The following MYO7A variants were observed in gnomAD, a reference collection of about 807,000 sequenced individuals.
MYO7A encodes the protein unconventional myosin-VIIa.
Under a neutral mutation model 263.8 loss-of-function variants are expected in MYO7A, and 210 were observed. That is an observed-to-expected ratio of 0.80 (90% confidence interval 0.71 to 0.89). The LOEUF (loss-of-function observed/expected upper bound fraction) is 0.89, where lower values mean the gene tolerates loss of function less well. Among genes scored for constraint, MYO7A ranks in the 40% least tolerant of loss-of-function variants. MYO7A has a pLI of 0.00. For missense variants in MYO7A, 2,820 were observed against 2,968.3 expected (o/e 0.95, Z 1.16); for synonymous variants, 1,239 against 1,197.3 (o/e 1.03, Z -0.72).
intron 4 of MYO7A, among the ~76,000 whole-genome samples, chr11:77,154,475 C>T (rs947794601): frequency 2.0e-5 from 3 of 152,338 alleles, no homozygotes; most frequent in South Asian, 2.1e-4. Context: ...CTGTTCCCCA[C>T]TGACCAGCTT....
At chr11:77,209,050 G>C in intron 44 of MYO7A, 1 of 531,514 alleles carries the variant, frequency 1.9e-6, no homozygotes, top group Admixed American at 3.2e-5. Flanking sequence ...ACCTGTTCAG[G>C]CCCCTCCTTC....
At chr11:77,171,992 G>C (rs868979914) in intron 15 of MYO7A, among the ~76,000 whole-genome samples, 1 of 152,218 alleles carries the variant, frequency 6.6e-6, no homozygotes, top group Non-Finnish European at 1.5e-5. Flanking sequence ...AGTGCGGGGG[G>C]TTAGGAGGAG....
chr11:77,182,466 G>C lies in MYO7A; in HGVS notation c.3151G>C (p.Asp1051His), dbSNP rs1231006188. The change falls in exon 25 of 49, where the codon GAC becomes CAC. Residue 1051 changes from aspartate to histidine, a missense_variant. By Grantham distance (81) the Asp-to-His change is moderately conservative. Coordinates refer to ENST00000409709, the MANE Select transcript of MYO7A (RefSeq NM_000260.4). ...GATCACCATCCTCCGCTTCATGGGG[G>C]ACCTCCCTGAGCCCAAGTACCACAC... ...VWITILRFMG[D>H]LPEPKYHTAM... The C allele has an allele frequency of 1.1e-5, 18 of 1,613,392 alleles. No individual in the cohort carries two copies. The East Asian group carries it at 3.8e-4, about 34-fold the overall frequency.
chr11:77,197,002 CCCAGATTCA>C (rs1435027615), intron 32 of MYO7A, among the ~76,000 whole-genome samples: 2 of 152,220 alleles, frequency 1.3e-5, no homozygotes, highest in Middle Eastern at 3.2e-3. Flanking sequence ...CTTTCTAACT[CCCAGATTCA>C]CCAGATCAGT....
At chr11:77,160,662 C>T (rs1314389670) in intron 11 of MYO7A, among the ~76,000 whole-genome samples, 7 of 152,124 alleles carry the variant, frequency 4.6e-5, no homozygotes, top group African/African-American at 1.7e-4. Context: ...GGTTCGGGGA[C>T]CTCAGAGATA....
chr11:77,175,290 G>A, intron 17 of MYO7A, 82 bp from the exon 18 acceptor site: 1 of 1,297,526 alleles, frequency 7.7e-7, no homozygotes, highest in South Asian at 1.3e-5. Flanking sequence ...GAAGAGCCCT[G>A]CCTCTCAGCC....
In MYO7A at chr11:77,195,890, GTGTC is replaced by G. The variant is rs1370601089; in HGVS notation, c.4323+1367_4323+1370del. On this transcript the variant is annotated intron_variant, in intron 32 of 48. Coordinates refer to ENST00000409709, the MANE Select transcript of MYO7A (RefSeq NM_000260.4). ...TGGAGCCTGGAGCTCCGAGATCAAG[GTGTC>G]AGCAGGGGCTTTCTCCTGAGGCTTC... 7.4e-4 allele frequency among the ~76,000 whole-genome samples: 112 copies of G among 152,380 alleles called. 1 individual carries two copies. The highest frequency in any genetic ancestry group is 2.6e-3 in the African/African-American group (108 of 41,598).
intron 7 of MYO7A, 67 bp downstream of exon 7, chr11:77,157,071 A>G (rs1591271305): frequency 1.3e-6 from 2 of 1,568,308 alleles, no homozygotes. Context: ...TGCGTGGCCC[A>G]CCTGCCCGTA....
chr11:77,181,276 C>T, intron 22 of MYO7A, 104 bp from the exon 23 acceptor site: 1 of 1,048,158 alleles, frequency 9.5e-7, no homozygotes, highest in Non-Finnish European at 1.4e-6. Flanking sequence ...GAGGTGGGGA[C>T]TGAGGCCCTG....
chr11:77,207,043 C>CA (rs1318842691), intron 41 of MYO7A: 15 of 422,684 alleles, frequency 3.5e-5, no homozygotes, highest in East Asian at 3.1e-4. Flanking sequence ...CAGGCTTGTA[C>CA]ACCCTGGCCC....
At chr11:77,213,129 C>A in intron 47 of MYO7A, 94 bp downstream of exon 47, 1 of 975,370 alleles carries the variant, frequency 1.0e-6, no homozygotes, top group South Asian at 1.5e-5. Context: ...TCCTAGCCAC[C>A]ATCTATCTCT....
At chr11:77,129,195 C>T (rs1434440562) in intron 1 of MYO7A, among the ~76,000 whole-genome samples, 8 of 152,298 alleles carry the variant, frequency 5.3e-5, no homozygotes, top group Non-Finnish European at 8.8e-5. Context: ...TGGCATAGGG[C>T]GCCTGCTCCA....
chr11:77,199,468 T>C, intron 34 of MYO7A, 67 bp from the exon 35 acceptor site: 1 of 1,419,758 alleles, frequency 7.0e-7, no homozygotes, highest in Non-Finnish European at 9.3e-7. Context: ...CTGAGATGTG[T>C]CTGAGCTGGG....
chr11:77,205,502 A>G lies in MYO7A; in HGVS notation c.5521A>G (p.Thr1841Ala), dbSNP rs1333309165. 3 of 1,596,196 alleles carry G rather than the reference A, an allele frequency of 1.9e-6. No individual in the cohort carries two copies. Among genetic ancestry groups the G allele is most frequent in the Non-Finnish European group, 2.6e-6 (3 of 1,172,164 alleles). The change falls in exon 40 of 49, where the codon ACG (threonine) becomes GCG (alanine). Residue 1841 changes from threonine to alanine, a missense_variant. Coordinates refer to ENST00000409709, the MANE Select transcript of MYO7A (RefSeq NM_000260.4). Reference protein sequence around the residue: ...ERGWELLWLCTGLFPPSNILL... With the variant: ...ERGWELLWLCAGLFPPSNILL... The stretch of plus-strand genomic sequence containing the variant: ...GGGTTGGGAGCTGCTCTGGCTGTGC[A>G]CGGGCCTTTTCCCACCCAGCAACAT...
chr11:77,184,687 G>C lies in MYO7A; in HGVS notation c.3475G>C (p.Gly1159Arg). The change falls in exon 27 of 49, where the codon GGC (glycine) becomes CGC (arginine). Residue 1159 changes from glycine to arginine, a missense_variant. Transcript: ENST00000409709. ...SNLEKLHFII[G>R]NGILRPALRD... The stretch of plus-strand genomic sequence containing the variant: ...CCTGGAGAAGCTGCACTTCATCATC[G>C]GCAATGGCATCCTGCGGCCAGCACT... 2 of 1,599,560 alleles carry C rather than the reference G, an allele frequency of 1.3e-6. No individual in the cohort carries two copies. Among genetic ancestry groups the C allele is most frequent in the South Asian group, 1.1e-5 (1 of 89,034 alleles).
rs547020156 is a variant in MYO7A, at chr11:77,189,531, G to T, written c.3630+61G>T. ...GAGCTAGGCCCTGTCCCAGCACTGT[G>T]GGGAGAGCAATAGCCAGGGGCTCCA... On this transcript the variant is annotated intron_variant, in intron 28 of 48. Transcript: ENST00000409709. 21 of 1,600,694 alleles carry T rather than the reference G, an allele frequency of 1.3e-5. 1 individual carries two copies. The highest frequency in any genetic ancestry group is 1.1e-4 in the South Asian group (10 of 90,144).
rs765100502 is a variant in MYO7A, at chr11:77,192,251, C to T, written c.4125C>T (p.Val1375=). 6.2e-7 allele frequency: 1 copy of T among 1,614,046 alleles called. No individual in the cohort carries two copies. Among genetic ancestry groups the T allele is most frequent in the Non-Finnish European group, 8.5e-7 (1 of 1,179,906 alleles). ...TCTACCAGCAGGTGGTGCGAGGAGT[C>T]AAGTTTGGGGAGTACAGGTGTGAGA... ...NLIYQQVVRG[V]KFGEYRCEKE... The change falls in exon 31 of 49, where the codon GTC becomes GTT. Residue 1375 remains valine, a synonymous_variant. Coordinates refer to ENST00000409709, the MANE Select transcript of MYO7A (RefSeq NM_000260.4).
At chr11:77,191,032 G>A (rs956610998) in intron 30 of MYO7A, 162 bp downstream of exon 30, 11 of 804,198 alleles carry the variant, frequency 1.4e-5, no homozygotes, top group South Asian at 6.6e-5. Context: ...CAGGACTGCC[G>A]AGAACTCGGC....
intron 15 of MYO7A, among the ~76,000 whole-genome samples, chr11:77,166,928 T>C (rs1295774434): frequency 6.6e-6 from 1 of 152,120 alleles, no homozygotes; most frequent in Non-Finnish European, 1.5e-5. Context: ...GCACCGTGGT[T>C]CCTGTTGTAG....
Sources: gnomAD v4.1 joint callset for allele counts (sites outside exome capture counted in the v4.1 genomes callset) on GRCh38, gnomAD v4.1.1 for gene constraint, MANE v1.5 for transcripts, NCBI Gene and HGNC (gene_info 2026-07-23, HGNC 2026-07-21) for gene names.